The following TCF3 variants were observed in gnomAD, a reference collection of about 807,000 sequenced individuals.
The protein encoded by TCF3 is transcription factor 3.
In TCF3, 54 loss-of-function variants were observed where a neutral mutation model predicts 72.3. The ratio of observed to expected loss-of-function variants is 0.75; its 90% CI spans 0.60 to 0.94. TCF3 has a LOEUF of 0.94. Ranked by LOEUF, TCF3 falls within the 40% of genes least tolerant of loss-of-function variation. The pLI is 0.00. For synonymous variants in TCF3, 525 were observed against 412.6 expected, an observed-to-expected ratio of 1.27 and a Z score of -3.30; for missense variants, 1,078 against 934.4, an observed-to-expected ratio of 1.15 and a Z score of -2.00.
chr19:1,640,292 T>C (rs980858559), intron 3 of TCF3, among the ~76,000 whole-genome samples: 6 of 151,916 alleles, frequency 3.9e-5, no homozygotes, highest in Admixed American at 2.0e-4. Flanking sequence ...TCCCAGCACT[T>C]TGGGAGGCCG....
intron 14 of TCF3, 132 bp from the exon 15 acceptor site, chr19:1,619,606 C>T (rs948680662): frequency 1.5e-6 from 2 of 1,361,272 alleles, no homozygotes; most frequent in South Asian, 1.4e-5. Context: ...ATATGCCAGG[C>T]ATCTGGCGCC....
chr19:1,627,579 G>A (rs913439921), intron 5 of TCF3, among the ~76,000 whole-genome samples, 153 bp from the exon 6 acceptor site: 14 of 151,902 alleles, frequency 9.2e-5, no homozygotes, highest in Admixed American at 2.6e-4. Context: ...ACCCCAGTGT[G>A]CCCATCTCGG....
chr19:1,642,263 C>T (rs1344713541), intron 3 of TCF3, among the ~76,000 whole-genome samples: 1 of 151,858 alleles, frequency 6.6e-6, no homozygotes, highest in South Asian at 2.1e-4. Flanking sequence ...CGTGCGCACA[C>T]ACGCACGCAC....
Position 1,622,362 on chromosome 19 carries a change from C to G in TCF3, c.603G>C (p.Pro201=). ...AGGTGCTGCTGGGGGTCTTGGCGGA[C>G]GGGTAGGCGGTGGCATCCCTGCCGT... ...EDYGRDATAY[P]SAKTPSSTYP... The change falls in exon 9 of 19, where the codon CCG becomes CCC. Residue 201 remains proline (P), a synonymous_variant. Coordinates refer to ENST00000262965, the MANE Select transcript of TCF3 (RefSeq NM_003200.5). 2 of 1,269,080 alleles carry G rather than the reference C, an allele frequency of 1.6e-6. No homozygotes were observed. Among genetic ancestry groups the G allele is most frequent in the Non-Finnish European group, 1.0e-6 (1 of 975,940 alleles). 78.6% of individuals were successfully genotyped at this position (1,269,080 alleles called of 1,614,324 possible).
chr19:1,631,675 T>C (rs1386013983), intron 5 of TCF3, among the ~76,000 whole-genome samples: 2 of 152,076 alleles, frequency 1.3e-5, no homozygotes, highest in Admixed American at 1.3e-4. Context: ...CTGGCCGCCC[T>C]CCCGAGTCTC....
rs750198115 is a variant in TCF3 at position 1,611,862 on chromosome 19, G to A, written c.1823-13C>T. On this transcript the variant is annotated splice_polypyrimidine_tract_variant and intron_variant, in intron 18 of 18. Coordinates refer to ENST00000262965, the MANE Select transcript of TCF3 (RefSeq NM_003200.5). ...TTCAGGTTCCGCTCTGGAGGGAGGG[G>A]GGAGAGCTCTGTGGGAGACGGTCCC... The A allele has an allele frequency of 1.1e-5, 18 of 1,602,290 alleles. No individual in the cohort carries two copies. Among genetic ancestry groups the A allele is most frequent in the African/African-American group, 4.1e-5 (3 of 73,868 alleles).
chr19:1,640,838 T>G (rs1057224422), intron 3 of TCF3, among the ~76,000 whole-genome samples: 5 of 148,052 alleles, frequency 3.4e-5, no homozygotes, highest in Admixed American at 1.4e-4. Flanking sequence ...ATTGTTGTAT[T>G]ACTGATGTTG....
At chr19:1,624,418 A>G (rs925807923) in intron 7 of TCF3, among the ~76,000 whole-genome samples, 6 of 152,012 alleles carry the variant, frequency 3.9e-5, no homozygotes, top group East Asian at 1.9e-4. Context: ...AGCAGCAGCA[A>G]CAACAACAAA....
chr19:1,648,592 CA>C (rs1444563119), intron 2 of TCF3, among the ~76,000 whole-genome samples: 1 of 152,312 alleles, frequency 6.6e-6, no homozygotes, highest in African/African-American at 2.4e-5. Flanking sequence ...GCCAGGGAAG[CA>C]AAAATAAAAC....
intron 1 of TCF3, among the ~76,000 whole-genome samples, chr19:1,651,560 G>A (rs753524015): frequency 6.6e-6 from 1 of 152,222 alleles, no homozygotes; most frequent in Non-Finnish European, 1.5e-5. Context: ...ACGGGAGCTG[G>A]AAGACTTCTG....
In TCF3 at chr19:1,632,105, C is replaced by G; in HGVS notation, c.231G>C (p.Glu77Asp). The G allele has an allele frequency of 1.9e-6, 3 of 1,613,168 alleles. No individual in the cohort carries two copies. The highest frequency in any genetic ancestry group is 1.7e-6 in the Non-Finnish European group (2 of 1,179,718). ...TGTGCGACTCAGTGAAGTGGGTGCC[C>G]TCGCTGAAGGTCTAGGGGAGATGGG... ...SSFDPSRTFS[E>D]GTHFTESHSS... Residue 77 changes from glutamate (E) to aspartate (D), a missense_variant, in exon 5 of 19, where the codon GAG becomes GAC. Physicochemically the swap from Glu to Asp is conservative, Grantham distance 45 (BLOSUM62 2). Coordinates refer to ENST00000262965, the MANE Select transcript of TCF3 (RefSeq NM_003200.5).
Position 1,615,054 on chromosome 19 carries a change from G to C in TCF3, c.1822+231C>G, listed in dbSNP as rs981388099. 1.3e-5 allele frequency among the ~76,000 whole-genome samples: 2 copies of C among 152,156 alleles called. No individual in the cohort carries two copies. Among genetic ancestry groups the C allele is most frequent in the Non-Finnish European group, 2.9e-5 (2 of 68,018 alleles). On this transcript the variant is annotated intron_variant, in intron 18 of 18. Coordinates refer to ENST00000262965, the MANE Select transcript of TCF3 (RefSeq NM_003200.5). This position sits in a 1 kb window ranked among gnomAD's most constrained non-coding sequence, Gnocchi z 7.3. ...GGACTAGGGGTCCAGAAAGAGTCCA[G>C]TCCTCCCACTGTGGAGGGGATGCTG...
intron 3 of TCF3, among the ~76,000 whole-genome samples, chr19:1,640,352 G>A (rs143480574): frequency 9.5e-4 from 144 of 152,050 alleles, no homozygotes; most frequent in African/African-American, 3.1e-3. Flanking sequence ...TGGCTAACAC[G>A]GTGAAACCCT....
At chr19:1,633,500 T>C (rs2063978672) in intron 3 of TCF3, among the ~76,000 whole-genome samples, 2 of 151,866 alleles carry the variant, frequency 1.3e-5, no homozygotes, top group Non-Finnish European at 2.9e-5. Context: ...CAGAAACTTC[T>C]TTCAAATCGC....
intron 16 of TCF3, among the ~76,000 whole-genome samples, chr19:1,617,458 G>T (rs1568342660): frequency 6.6e-6 from 1 of 152,250 alleles, no homozygotes; most frequent in Admixed American, 6.5e-5. Flanking sequence ...GGTACACAGT[G>T]CCCCAAATGA....
Position 1,609,858 on chromosome 19 carries a change from G to A in TCF3, c.*1849C>T, listed in dbSNP as rs949587536. On this transcript the variant is annotated 3_prime_UTR_variant, in exon 19 of 19. Coordinates refer to ENST00000262965, the MANE Select transcript of TCF3 (RefSeq NM_003200.5). ...CCAGGATCTCCTGGGGGTAACGGTG[G>A]GAGTCTCAGGAGTGGCACGGGGGGA... is the stretch of plus-strand genomic sequence containing the variant. 2.6e-5 allele frequency: 6 copies of A among 232,224 alleles called. No homozygotes were observed. The highest frequency in any genetic ancestry group is 5.1e-5 in the Non-Finnish European group (6 of 117,508). The allele number at this position is 232,224 out of a possible 1,614,324, so 14.4% of individuals were successfully genotyped here.
At chr19:1,632,537 C>G (rs1441137340) in intron 3 of TCF3, 132 bp from the exon 4 acceptor site, 20 of 849,350 alleles carry the variant, frequency 2.4e-5, no homozygotes, top group Non-Finnish European at 3.3e-5. Context: ...CCCAGCCTCA[C>G]CCAGCCCGAC....
At position 1,624,060 on chromosome 19, in the gene TCF3, C is replaced by T. The variant is rs974413412; in HGVS notation, c.500-60G>A. 9.0e-6 allele frequency: 14 copies of T among 1,553,826 alleles called. No individual in the cohort carries two copies. The African/African-American group carries it at 1.6e-4, about 18-fold the overall frequency. On this transcript the variant is annotated intron_variant, in intron 7 of 18. Transcript: ENST00000262965. ...GGCCATGAGAACAACCCCTGCCCTACACCCTGGAGGAGAGACCCTCACAAT... is the reference window on the plus strand; with the variant it reads ...GGCCATGAGAACAACCCCTGCCCTATACCCTGGAGGAGAGACCCTCACAAT...
chr19:1,640,213 G>A (rs2065039211), intron 3 of TCF3, among the ~76,000 whole-genome samples: 1 of 152,112 alleles, frequency 6.6e-6, no homozygotes, highest in African/African-American at 2.4e-5. Flanking sequence ...GGCACGGGTG[G>A]ACAGACAGGC....
Sources: allele counts gnomAD v4.1 joint callset (sites outside exome capture counted in the v4.1 genomes callset), GRCh38; gene constraint gnomAD v4.1.1; non-coding constraint Gnocchi (gnomAD v3.1); transcripts MANE v1.5; gene names NCBI Gene and HGNC (gene_info 2026-07-23, HGNC 2026-07-21).